The following PCDH11X variants were observed in gnomAD, a reference collection of about 807,000 sequenced individuals.
PCDH11X encodes protocadherin-11 X-linked.
A neutral mutation model predicts 53.3 loss-of-function variants in PCDH11X; 18 were observed. The ratio of observed to expected loss-of-function variants is 0.34; its 90% confidence interval spans 0.23 to 0.50. The LOEUF is 0.50. PCDH11X is among the 20% of genes least tolerant of loss of function. The pLI, the probability that PCDH11X is intolerant of heterozygous loss-of-function variation, is 0.98. For missense variants in PCDH11X, 570 were observed against 1,032.4 expected, an observed-to-expected ratio of 0.55 and a Z score of 6.14; for synonymous variants, 279 against 393.3, an observed-to-expected ratio of 0.71 and a Z score of 3.44.
chrX:92,094,049 AT>A (rs1379458042), intron 6 of PCDH11X, among the ~76,000 whole-genome samples: 1 of 109,336 alleles, frequency 9.1e-6, no homozygotes, highest in African/African-American at 3.3e-5. Context: ...TTATATACGA[AT>A]TTTTTATTCA....
rs186721479 is a variant in PCDH11X at position 92,190,510 on chromosome X, C to A, written c.3034-10865C>A. 2.6e-3 allele frequency among the ~76,000 whole-genome samples: 295 copies of A among 111,864 alleles called. 1 individual carries two copies. Among genetic ancestry groups the A allele is most frequent in the Admixed American group, 6.8e-3 (71 of 10,419 alleles). On this transcript the variant is annotated intron_variant, in intron 6 of 10. Coordinates refer to ENST00000682573, the MANE Select transcript of PCDH11X (RefSeq NM_032968.5). ...ATTTTGTTTATTTCTGTAGTCCCTG[C>A]ACCCCAGGCAGTGCTTTAATATAAT...
intron 8 of PCDH11X, among the ~76,000 whole-genome samples, chrX:92,352,688 T>C: frequency 9.0e-6 from 1 of 111,221 alleles, no homozygotes; most frequent in Admixed American, 9.6e-5. Flanking sequence ...TCCCTTGATG[T>C]AGTAGTCTCC....
At chrX:92,306,472 T>C (rs2068831528) in intron 8 of PCDH11X, among the ~76,000 whole-genome samples, 1 of 107,563 alleles carries the variant, frequency 9.3e-6, no homozygotes, top group South Asian at 4.0e-4. Context: ...ATCAACAAAA[T>C]TGACAAGAAT....
chrX:91,780,866 T>C (rs1427401450), intron 1 of PCDH11X, among the ~76,000 whole-genome samples: 1 of 112,707 alleles, frequency 8.9e-6, no homozygotes, highest in African/African-American at 3.2e-5. Context: ...GGTCACTTTC[T>C]CAGAGTGTAT....
At chrX:92,122,764 T>C (rs967609830) in intron 6 of PCDH11X, among the ~76,000 whole-genome samples, 52 of 109,805 alleles carry the variant, frequency 4.7e-4, no homozygotes, top group Non-Finnish European at 8.9e-4. Context: ...TGGTGAAACC[T>C]TGTCTCTACT....
chrX:91,846,632 G>A (rs1176879740), intron 5 of PCDH11X, among the ~76,000 whole-genome samples: 2 of 108,683 alleles, frequency 1.8e-5, no homozygotes, highest in Non-Finnish European at 3.8e-5. Context: ...AAAAAAAAAA[G>A]AAAAAAGTTA....
rs1928375726 is a variant in PCDH11X at position 92,620,078 on chromosome X, T to C, written c.*1138T>C. 9.1e-6 allele frequency: 1 copy of C among 109,816 alleles called. No individual in the cohort carries two copies. Among genetic ancestry groups the C allele is most frequent in the Non-Finnish European group, 1.9e-5 (1 of 52,579 alleles). 9.1% of individuals were successfully genotyped at this position (109,816 alleles called of 1,213,427 possible). ...AGAAAACCACTAATAACAACAAGAATATCAGGAAGGAACTTTTCAAGAAAT... is the reference window on the plus strand; with the variant it reads ...AGAAAACCACTAATAACAACAAGAACATCAGGAAGGAACTTTTCAAGAAAT... On this transcript the variant is annotated 3_prime_UTR_variant, in exon 11 of 11. Coordinates refer to ENST00000682573, the MANE Select transcript of PCDH11X (RefSeq NM_032968.5).
chrX:92,233,109 C>T (rs762589152), intron 7 of PCDH11X, among the ~76,000 whole-genome samples: 19 of 102,187 alleles, frequency 1.9e-4, no homozygotes, highest in African/African-American at 6.1e-4. Context: ...CATCCTAAAC[C>T]CTACCTAATG....
intron 8 of PCDH11X, among the ~76,000 whole-genome samples, chrX:92,359,811 G>A (rs1274366487): frequency 9.0e-6 from 1 of 110,584 alleles, no homozygotes; most frequent in East Asian, 2.9e-4. Flanking sequence ...TCCACTGTGG[G>A]TAGAAGCATT....
chrX:92,021,835 T>C lies in PCDH11X; in HGVS notation c.3033+142562T>C, dbSNP rs186574235. Among the ~76,000 whole-genome samples, 345 of 109,283 alleles carry C rather than the reference T, an allele frequency of 3.2e-3. 5 individuals carry two copies. The highest frequency in any genetic ancestry group is 0.011 in the African/African-American group (332 of 29,977). 94.9% of individuals were successfully genotyped at this position (109,283 alleles called of 115,157 possible). ...AACAGCAGACTCTCAGCAGAAACCC[T>C]ACAGGCCAGAAGAGAGTGGGGGCCA... On this transcript the variant is annotated intron_variant, in intron 6 of 10. Transcript: ENST00000682573.
intron 9 of PCDH11X, among the ~76,000 whole-genome samples, chrX:92,395,800 A>G: frequency 9.1e-6 from 1 of 110,418 alleles, no homozygotes; most frequent in Non-Finnish European, 1.9e-5. Context: ...AATAAGAGTC[A>G]CTAATGTTGG....
At chrX:91,908,631 C>T (rs1941268156) in intron 6 of PCDH11X, among the ~76,000 whole-genome samples, 1 of 108,730 alleles carries the variant, frequency 9.2e-6, no homozygotes, top group South Asian at 4.0e-4. Flanking sequence ...TTGTGAAACC[C>T]TGTCTCGATT....
At chrX:92,481,854 C>T (rs1277710026) in intron 10 of PCDH11X, among the ~76,000 whole-genome samples, 3 of 104,478 alleles carry the variant, frequency 2.9e-5, no homozygotes, top group Non-Finnish European at 5.9e-5. Context: ...TTTCCTACTG[C>T]TGGGATTCCA....
intron 8 of PCDH11X, among the ~76,000 whole-genome samples, chrX:92,377,660 G>A (rs1427510573): frequency 1.6e-4 from 16 of 101,149 alleles, no homozygotes; most frequent in East Asian, 3.1e-4. Flanking sequence ...AGATAATTTC[G>A]TATCTGTGAA....
chrX:92,348,551 T>A (rs1359723684), intron 8 of PCDH11X, among the ~76,000 whole-genome samples: 9 of 99,616 alleles, frequency 9.0e-5, no homozygotes, highest in Admixed American at 2.2e-4. Flanking sequence ...TATTATTATT[T>A]TTGAGACGGA....
In PCDH11X at chrX:92,200,928, T is replaced by C. The variant is rs940586654; in HGVS notation, c.3034-447T>C. Among the ~76,000 whole-genome samples the C allele has an allele frequency of 8.9e-5, 8 of 90,159 alleles. No homozygotes were observed. In the Admixed American group the frequency reaches 9.1e-4, roughly 10 times the overall value. The allele number at this position is 90,159 out of a possible 115,157, so 78.3% of individuals were successfully genotyped here. ...TTTTATTTTATTTTATTTTATTTTA[T>C]TGAGACAAGGTCTTGCTCTGCTGCC... On this transcript the variant is annotated intron_variant, in intron 6 of 10. Transcript: ENST00000682573.
chrX:91,834,927 C>G, intron 4 of PCDH11X: 1 of 742,949 alleles, frequency 1.3e-6, no homozygotes, highest in Non-Finnish European at 1.6e-6. Context: ...CTTTATTAGT[C>G]CCTCCTTTAT....
At position 92,621,691 on chromosome X, in the gene PCDH11X, C is replaced by G. The variant is rs971959092; in HGVS notation, c.*2751C>G. The stretch of plus-strand genomic sequence containing the variant: ...CAAGTTATTTCTCTGACTGAATAGA[C>G]AGTGGTATAGGTTGACACAGCACAC... On this transcript the variant is annotated 3_prime_UTR_variant, in exon 11 of 11. Coordinates refer to ENST00000682573, the MANE Select transcript of PCDH11X (RefSeq NM_032968.5). 1.8e-5 allele frequency: 2 copies of G among 111,476 alleles called. No homozygotes were observed. The highest frequency in any genetic ancestry group is 6.5e-5 in the African/African-American group (2 of 30,601). The allele number at this position is 111,476 out of a possible 1,213,427, so 9.2% of individuals were successfully genotyped here.
At chrX:92,050,669 C>T (rs1358288034) in intron 6 of PCDH11X, among the ~76,000 whole-genome samples, 1 of 108,490 alleles carries the variant, frequency 9.2e-6, no homozygotes, top group Non-Finnish European at 1.9e-5. Flanking sequence ...AGGTTGTAAA[C>T]TCTTTAAGTG....
Sources: gnomAD v4.1 joint callset for allele counts (sites outside exome capture counted in the v4.1 genomes callset) on GRCh38, gnomAD v4.1.1 for gene constraint, MANE v1.5 for transcripts, NCBI Gene and HGNC (gene_info 2026-07-23, HGNC 2026-07-21) for gene names.